Variants in SPC25 observed in about 807,000 individuals in gnomAD.
The protein encoded by SPC25 is SPC25 component of NDC80 kinetochore complex.
A neutral mutation model predicts 29.6 loss-of-function variants in SPC25; 22 were observed. The ratio of observed to expected loss-of-function variants is 0.74; its 90% CI spans 0.53 to 1.06. SPC25 has a LOEUF of 1.06. Among genes scored for constraint, SPC25 ranks in the 50% least tolerant of loss-of-function variants. The probability of loss-of-function intolerance (pLI) is 0.00; values close to 1 mark genes in which losing one functional copy is unlikely to be tolerated. For missense variants in SPC25, 230 were observed against 255.8 expected, an observed-to-expected ratio of 0.90 and a Z score of 0.69; for synonymous variants, 91 against 90.4, an observed-to-expected ratio of 1.01 and a Z score of -0.04.
intron 4 of SPC25, chr2:168,865,147 T>A (rs1312434125): frequency 1.5e-6 from 1 of 681,332 alleles, no homozygotes; most frequent in Admixed American, 3.0e-5. Context: ...AGAAAAAAGA[T>A]GGATGGGTGG....
intron 4 of SPC25, chr2:168,865,074 T>C: frequency 4.8e-6 from 6 of 1,261,916 alleles, no homozygotes; most frequent in Non-Finnish European, 6.6e-6. Context: ...TCTTTTGAAA[T>C]GGATGGAGTT....
intron 3 of SPC25, among the ~76,000 whole-genome samples, chr2:168,885,938 A>T (rs1690253438): frequency 1.3e-5 from 2 of 152,206 alleles, no homozygotes; most frequent in African/African-American, 4.8e-5. Flanking sequence ...CACATGGTAT[A>T]CAAGGTAATG....
In SPC25 at chr2:168,871,235, T is replaced by C. The variant is rs1286410823; in HGVS notation, c.*196A>G. 1 of 347,376 alleles carries C rather than the reference T, an allele frequency of 2.9e-6. No homozygotes were observed. The allele number at this position is 347,376 out of a possible 1,614,324, so 21.5% of individuals were successfully genotyped here. ...GTTGGGGGAGGGGGGAGGGATAGCA[T>C]TAGGAGATATACCTAATGAAATGAC... On this transcript the variant is annotated 3_prime_UTR_variant, in exon 7 of 7. Coordinates refer to ENST00000282074, the MANE Select transcript of SPC25 (RefSeq NM_020675.4).
Position 168,881,028 on chromosome 2 carries a change from G to C in SPC25, c.200-3644C>G, listed in dbSNP as rs77217293. On this transcript the variant is annotated intron_variant, in intron 3 of 6. Transcript: ENST00000282074. ...AGTCACCACATGCTGATGGAAAAAT[G>C]GTGCCCACAGACTTGCTTGACACAT... 2.9e-3 allele frequency among the ~76,000 whole-genome samples: 443 copies of C among 152,272 alleles called. 1 individual carries two copies. Among genetic ancestry groups the C allele is most frequent in the Non-Finnish European group, 4.6e-3 (314 of 68,012 alleles).
At chr2:168,885,000 T>C (rs1168809775) in intron 3 of SPC25, 2 of 152,120 alleles carry the variant, frequency 1.3e-5, no homozygotes, top group Non-Finnish European at 2.9e-5. Flanking sequence ...ACCCCCTAAA[T>C]ACACTAAAGA....
At position 168,889,222 on chromosome 2, in the gene SPC25, A is replaced by G. The variant is rs1325109609; in HGVS notation, c.199+4T>C. 1.2e-6 allele frequency: 2 copies of G among 1,610,456 alleles called. No homozygotes were observed. The highest frequency in any genetic ancestry group is 2.2e-5 in the South Asian group (2 of 90,270). Reference sequence around the variant, plus strand: ...AACCCCATGATTTATACTTTTTCACATACGATTTTGATATTCCAGAAACAT... The same window carrying G: ...AACCCCATGATTTATACTTTTTCACGTACGATTTTGATATTCCAGAAACAT... On this transcript the variant is annotated splice_donor_region_variant and intron_variant, in intron 3 of 6. Coordinates refer to ENST00000282074, the MANE Select transcript of SPC25 (RefSeq NM_020675.4).
In SPC25 at chr2:168,871,308, A is replaced by C; in HGVS notation, c.*123T>G. On this transcript the variant is annotated 3_prime_UTR_variant, in exon 7 of 7. Transcript: ENST00000282074. ...AATATGGCACATGTATACATATGTA[A>C]CAAACCTGCACATTGTGCACATGTA... 1.1e-6 allele frequency: 1 copy of C among 940,610 alleles called. No homozygotes were observed. Among genetic ancestry groups the C allele is most frequent in the South Asian group, 2.0e-5 (1 of 50,786 alleles). 58.3% of individuals were successfully genotyped at this position (940,610 alleles called of 1,614,324 possible).
downstream of SPC25, among the ~76,000 whole-genome samples, chr2:168,870,565 G>C (rs186543211): frequency 0.034 from 5,131 of 151,692 alleles, 305 homozygotes; most frequent in African/African-American, 0.11. Flanking sequence ...ACAGACACTT[G>C]TCAAAAGAAG....
intron 4 of SPC25, among the ~76,000 whole-genome samples, chr2:168,865,704 T>G (rs1486150290): frequency 6.6e-6 from 1 of 152,228 alleles, no homozygotes; most frequent in African/African-American, 2.4e-5. Flanking sequence ...ATGACATGAT[T>G]GTATATCTAG....
chr2:168,872,211 G>A (rs1025970920), intron 6 of SPC25, among the ~76,000 whole-genome samples: 9 of 152,114 alleles, frequency 5.9e-5, no homozygotes, highest in Non-Finnish European at 1.2e-4. Flanking sequence ...CAAGTGATCC[G>A]CCTGCCTCTG....
chr2:168,883,446 GA>G (rs1254873628), intron 3 of SPC25, among the ~76,000 whole-genome samples: 2 of 151,994 alleles, frequency 1.3e-5, no homozygotes, highest in African/African-American at 4.8e-5. Context: ...ACTATTTAAA[GA>G]AAAAAATTAA....
chr2:168,874,776 T>C (rs1006137906), intron 5 of SPC25, among the ~76,000 whole-genome samples: 29 of 152,108 alleles, frequency 1.9e-4, no homozygotes, highest in Admixed American at 9.2e-4. Flanking sequence ...TTGTCACAAT[T>C]TGATGCTGAA....
chr2:168,890,283 G>T, intron 1 of SPC25, 35 bp downstream of exon 1: 4 of 955,236 alleles, frequency 4.2e-6, no homozygotes, highest in South Asian at 4.8e-5. Context: ...CGACAGGGGG[G>T]CCAAGGAGCC....
downstream of SPC25, among the ~76,000 whole-genome samples, chr2:168,866,276 T>A (rs945591347): frequency 6.6e-6 from 1 of 152,290 alleles, no homozygotes; most frequent in African/African-American, 2.4e-5. Flanking sequence ...AAAACGGAGA[T>A]AGATATAGAC....
At position 168,873,676 on chromosome 2, in the gene SPC25, T is replaced by G; in HGVS notation, c.459A>C (p.Lys153Asn). 1 of 1,606,962 alleles carries G rather than the reference T, an allele frequency of 6.2e-7. No individual in the cohort carries two copies. The highest frequency in any genetic ancestry group is 8.5e-7 in the Non-Finnish European group (1 of 1,174,292). ...GLEIRKIYGE[K>N]LQFIFTNIDP... The stretch of plus-strand genomic sequence containing the variant: ...CAATATTAGTGAAAATAAACTGCAA[T>G]TTCTCACCTGAAAAGAGATTAAACT... Residue 153 changes from lysine (K) to asparagine (N), a missense_variant, in exon 6 of 7, where the codon AAA becomes AAC. Lys to Asn is a moderately conservative substitution (Grantham distance 94). Transcript: ENST00000282074.
chr2:168,889,483 T>A lies in SPC25; in HGVS notation c.37A>T (p.Ile13Leu). The change falls in exon 2 of 7, where the codon ATA becomes TTA. Residue 13 changes from isoleucine to leucine, a missense_variant. Ile to Leu is a conservative substitution (Grantham distance 5). Coordinates refer to ENST00000282074, the MANE Select transcript of SPC25 (RefSeq NM_020675.4). The stretch of plus-strand genomic sequence containing the variant: ...TTGAATTTATTCCAAAATTCATTTA[T>A]GCTTTTATCGAAAAGTGCCAGTTCG... ...EDELALFDKS[I>L]NEFWNKFKST... is the part of the protein sequence containing the mutation. 1 of 1,614,084 alleles carries A rather than the reference T, an allele frequency of 6.2e-7. No individual in the cohort carries two copies. Among genetic ancestry groups the A allele is most frequent in the Non-Finnish European group, 8.5e-7 (1 of 1,180,010 alleles).
At chr2:168,864,674 T>C (rs1443057577) in intron 4 of SPC25, among the ~76,000 whole-genome samples, 2 of 152,228 alleles carry the variant, frequency 1.3e-5, no homozygotes, top group East Asian at 3.8e-4. Context: ...GCCTGCTTTA[T>C]ACACAGGTGT....
At chr2:168,879,565 A>T (rs1690140646) in intron 3 of SPC25, among the ~76,000 whole-genome samples, 1 of 152,194 alleles carries the variant, frequency 6.6e-6, no homozygotes, top group Admixed American at 6.6e-5. Flanking sequence ...TCTCCATTGA[A>T]GTCTTGAACC....
intron 6 of SPC25, among the ~76,000 whole-genome samples, chr2:168,872,266 C>T (rs1410392687): frequency 6.6e-6 from 1 of 152,062 alleles, no homozygotes; most frequent in Non-Finnish European, 1.5e-5. Flanking sequence ...CCATGCCCAG[C>T]CTGAAAAAAG....
Sources: allele counts gnomAD v4.1 joint callset (sites outside exome capture counted in the v4.1 genomes callset), GRCh38; gene constraint gnomAD v4.1.1; transcripts MANE v1.5; gene names NCBI Gene and HGNC (gene_info 2026-07-23, HGNC 2026-07-21).